Variants in SCFD1 observed in about 807,000 individuals in gnomAD.
The protein encoded by SCFD1 is sec1 family domain-containing protein 1.
In SCFD1, 37 loss-of-function variants were observed where a neutral mutation model predicts 103.2. That is an observed-to-expected ratio of 0.36 (90% CI 0.28 to 0.47). The LOEUF (loss-of-function observed/expected upper bound fraction) is 0.47, where lower values mean the gene tolerates loss of function less well. Ranked by LOEUF, SCFD1 falls within the 20% of genes least tolerant of loss-of-function variation. SCFD1 has a pLI of 1.00. For missense variants in SCFD1, 639 were observed against 761.2 expected (o/e 0.84, Z 1.89); for synonymous variants, 264 against 245.0 (o/e 1.08, Z -0.73).
intron 9 of SCFD1, among the ~76,000 whole-genome samples, chr14:30,651,069 T>A (rs541649808): frequency 1.4e-4 from 21 of 152,226 alleles, no homozygotes; most frequent in African/African-American, 5.1e-4. Context: ...TTGTTAGCAT[T>A]TCTAGCATAA....
chr14:30,694,713 T>C (rs1362409174), intron 14 of SCFD1, 60 bp from the exon 15 acceptor site: 1 of 1,511,238 alleles, frequency 6.6e-7, no homozygotes, highest in Non-Finnish European at 8.8e-7. Flanking sequence ...ATAAGGTGAG[T>C]AGATCATTAT....
At chr14:30,720,781 A>G (rs1485817182) in intron 21 of SCFD1, among the ~76,000 whole-genome samples, 2 of 152,296 alleles carry the variant, frequency 1.3e-5, no homozygotes, top group Middle Eastern at 3.4e-3. Context: ...ACCATTTTAC[A>G]TAAGGTACTT....
chr14:30,622,470 C>A (rs558784478), intron 1 of SCFD1, 71 bp downstream of exon 1: 4 of 1,533,154 alleles, frequency 2.6e-6, no homozygotes, highest in Non-Finnish European at 3.5e-6. Flanking sequence ...CTGGTGCGTG[C>A]AGCTCAGAGA....
chr14:30,624,508 G>A (rs533044550), intron 1 of SCFD1, among the ~76,000 whole-genome samples: 43 of 152,256 alleles, frequency 2.8e-4, no homozygotes, highest in African/African-American at 9.4e-4. Context: ...CATGTCTCAT[G>A]TAAGATCTTT....
chr14:30,631,377 TAAAATA>T (rs1227202955), intron 3 of SCFD1, among the ~76,000 whole-genome samples: 2 of 152,014 alleles, frequency 1.3e-5, no homozygotes, highest in African/African-American at 2.4e-5. Context: ...ATTAATTAAT[TAAAATA>T]AAAATAAACT....
In SCFD1 at chr14:30,649,561, C is replaced by T. The variant is rs376012352; in HGVS notation, c.647C>T (p.Thr216Ile). The change falls in exon 8 of 25, where the codon ACA becomes ATA. Residue 216 changes from threonine (T) to isoleucine (I), a missense_variant. By Grantham distance (89) the Thr-to-Ile change is moderately conservative. Transcript: ENST00000458591. ...AVPIIRCSRG[T>I]AAEMVAVKLD... ...CCTATAATCAGATGTTCAAGAGGAA[C>T]AGCAGCAGAAATGGTAGCAGTGGTA... is the stretch of plus-strand genomic sequence containing the variant. The T allele has an allele frequency of 8.3e-6, 13 of 1,573,444 alleles. No individual in the cohort carries two copies. Among genetic ancestry groups the T allele is most frequent in the Non-Finnish European group, 1.1e-5 (13 of 1,167,246 alleles).
intron 4 of SCFD1, among the ~76,000 whole-genome samples, chr14:30,634,457 A>G (rs1884505256): frequency 6.6e-6 from 1 of 152,228 alleles, no homozygotes; most frequent in Non-Finnish European, 1.5e-5. Context: ...ATTATAAATT[A>G]AGTTTTATCA....
chr14:30,631,994 A>G (rs1405674535), intron 3 of SCFD1, among the ~76,000 whole-genome samples: 1 of 142,936 alleles, frequency 7.0e-6, no homozygotes, highest in Non-Finnish European at 1.5e-5. Flanking sequence ...GTTGTAGTGA[A>G]CCGAGATCGT....
At chr14:30,709,671 A>G (rs1425404303) in intron 19 of SCFD1, among the ~76,000 whole-genome samples, 1 of 152,140 alleles carries the variant, frequency 6.6e-6, no homozygotes, top group Non-Finnish European at 1.5e-5. Context: ...CTCTTAGACT[A>G]TATGTGAAAA....
At chr14:30,666,021 A>T (rs993878610) in intron 10 of SCFD1, among the ~76,000 whole-genome samples, 2 of 152,328 alleles carry the variant, frequency 1.3e-5, no homozygotes, top group Admixed American at 6.5e-5. Context: ...CAGAAGGTTA[A>T]CAAGGATATC....
At chr14:30,735,489 G>A (rs540140057) in intron 24 of SCFD1, 97 bp from the exon 25 acceptor site, 2 of 810,980 alleles carry the variant, frequency 2.5e-6, no homozygotes, top group South Asian at 1.5e-5. Flanking sequence ...GAATAAAATA[G>A]GAAGTGTAAT....
rs1594784941 is a variant in SCFD1, at chr14:30,735,098, T to A, written c.1905+240T>A. ...AAGCCTTTTCTTTGGCTTTTAATGA[T>A]CCTTTAGAAATACAAAAATATATGA... On this transcript the variant is annotated intron_variant, in intron 24 of 24. Coordinates refer to ENST00000458591, the MANE Select transcript of SCFD1 (RefSeq NM_016106.4). 1.2e-5 allele frequency: 5 copies of A among 409,968 alleles called. No individual in the cohort carries two copies. In the East Asian group the frequency reaches 2.0e-4, roughly 16 times the overall value. 25.4% of individuals were successfully genotyped at this position (409,968 alleles called of 1,614,324 possible).
At chr14:30,715,784 T>G in intron 19 of SCFD1, 140 bp from the exon 20 acceptor site, 1 of 554,370 alleles carries the variant, frequency 1.8e-6, no homozygotes. Context: ...TGACATCACC[T>G]TTACCATTCA....
intron 19 of SCFD1, among the ~76,000 whole-genome samples, chr14:30,712,665 T>C (rs1234306236): frequency 6.6e-6 from 1 of 152,228 alleles, no homozygotes; most frequent in African/African-American, 2.4e-5. Flanking sequence ...TTTCTCACTA[T>C]ATTTTTTTCA....
intron 21 of SCFD1, chr14:30,721,591 C>G (rs971398893): frequency 1.8e-5 from 6 of 333,870 alleles, no homozygotes; most frequent in Non-Finnish European, 3.2e-5. Flanking sequence ...CCCAGACTTA[C>G]GCTCCTCCTC....
Position 30,654,322 on chromosome 14 carries a change from AG to A in SCFD1, c.855+737del, listed in dbSNP as rs552609842. The stretch of plus-strand genomic sequence containing the variant: ...TTACTAACTCCTAGCTCAGGACTCT[AG>A]GGATTACACTATATAATCATATCAT... On this transcript the variant is annotated intron_variant, in intron 10 of 24. Transcript: ENST00000458591. 7.1e-4 allele frequency among the ~76,000 whole-genome samples: 108 copies of A among 152,366 alleles called. 1 individual carries two copies. The highest frequency in any genetic ancestry group is 3.7e-3 in the Admixed American group (56 of 15,308).
At chr14:30,702,406 C>A in intron 17 of SCFD1, 31 bp downstream of exon 17, 1 of 1,357,550 alleles carries the variant, frequency 7.4e-7, no homozygotes, top group Non-Finnish European at 1.0e-6. Flanking sequence ...TAATTCCTGT[C>A]ATTTAAAAGA....
chr14:30,631,689 G>T (rs1884149149), intron 3 of SCFD1, among the ~76,000 whole-genome samples: 1 of 152,112 alleles, frequency 6.6e-6, no homozygotes. Flanking sequence ...TGATTATATT[G>T]CTTCTGATAT....
intron 14 of SCFD1, among the ~76,000 whole-genome samples, chr14:30,681,683 A>T (rs1889497921): frequency 6.6e-6 from 1 of 151,232 alleles, no homozygotes; most frequent in Non-Finnish European, 1.5e-5. Flanking sequence ...GATGATTAAG[A>T]TAAAAAAACC....
Sources: gnomAD v4.1 joint callset for allele counts (sites outside exome capture counted in the v4.1 genomes callset) on GRCh38, gnomAD v4.1.1 for gene constraint, MANE v1.5 for transcripts, NCBI Gene and HGNC (gene_info 2026-07-23, HGNC 2026-07-21) for gene names.